Variants in GSE1 observed in about 807,000 individuals in gnomAD.
GSE1 encodes Gse1 coiled-coil protein.
In GSE1, 32 loss-of-function variants were observed where a neutral mutation model predicts 112.6. The observed-to-expected ratio is 0.28, with a 90% CI of 0.21 to 0.38. The LOEUF is 0.38. Among genes scored for constraint, GSE1 ranks in the 10% least tolerant of loss-of-function variants. The pLI is 1.00. For missense variants in GSE1, 2,348 were observed against 1,699.2 expected (o/e 1.38, Z -6.71); for synonymous variants, 1,115 against 735.6 (o/e 1.52, Z -8.35).
intron 1 of GSE1, among the ~76,000 whole-genome samples, chr16:85,574,395 C>A (rs1270322370): frequency 1.3e-5 from 2 of 152,174 alleles, no homozygotes; most frequent in African/African-American, 2.4e-5. Context: ...CTTCTTGACA[C>A]CCGGCTGGGT....
At chr16:85,500,467 G>A (rs187785393) in intron 2 of GSE1, among the ~76,000 whole-genome samples, 4 of 152,318 alleles carry the variant, frequency 2.6e-5, no homozygotes, top group East Asian at 1.9e-4. Flanking sequence ...CCCAGCCTTC[G>A]ATTCCTAATA....
intron 2 of GSE1, among the ~76,000 whole-genome samples, chr16:85,545,383 G>A (rs892488997): frequency 3.3e-5 from 5 of 152,254 alleles, no homozygotes; most frequent in African/African-American, 1.2e-4. Context: ...AGTTCTGCAT[G>A]TAGACTGCAG....
At chr16:85,411,085 C>CCT (rs1201285096) in intron 2 of GSE1, among the ~76,000 whole-genome samples, 3 of 119,280 alleles carry the variant, frequency 2.5e-5, no homozygotes, top group Admixed American at 8.9e-5. Context: ...CAGGGTCCCC[C>CCT]GGATAATCCT....
chr16:85,519,659 C>CCAT (rs2052105551), intron 2 of GSE1, among the ~76,000 whole-genome samples: 3 of 150,752 alleles, frequency 2.0e-5, no homozygotes, highest in Non-Finnish European at 4.4e-5. Context: ...ACCTTCACCA[C>CCAT]CATCACCACA....
At chr16:85,300,314 T>G (rs1178089961) in intron 1 of GSE1, among the ~76,000 whole-genome samples, 1 of 152,166 alleles carries the variant, frequency 6.6e-6, no homozygotes, top group Non-Finnish European at 1.5e-5. Context: ...GCCCAGCCCA[T>G]GTTAGCCATT....
At chr16:85,642,404 G>C (rs1431812436) in intron 2 of GSE1, among the ~76,000 whole-genome samples, 1 of 152,230 alleles carries the variant, frequency 6.6e-6, no homozygotes, top group Non-Finnish European at 1.5e-5. Flanking sequence ...AGACACACAG[G>C]GTCCCCTGGG....
intron 1 of GSE1, among the ~76,000 whole-genome samples, chr16:85,561,121 C>T (rs1480093115): frequency 6.6e-6 from 1 of 151,318 alleles, no homozygotes; most frequent in Non-Finnish European, 1.5e-5. Context: ...GACAGTGAGA[C>T]CTTGTCTCAA....
chr16:85,669,478 A>G (rs2053151801), intron 14 of GSE1, among the ~76,000 whole-genome samples: 1 of 152,220 alleles, frequency 6.6e-6, no homozygotes, highest in African/African-American at 2.4e-5. Context: ...AGCCACAACC[A>G]GGACATCAAA....
At chr16:85,190,015 C>T (rs1429666778) in intron 1 of GSE1, among the ~76,000 whole-genome samples, 1 of 152,172 alleles carries the variant, frequency 6.6e-6, no homozygotes, top group Non-Finnish European at 1.5e-5. Flanking sequence ...ATCTTTTGCA[C>T]TTGTCACCTA....
In GSE1 at chr16:85,675,210, C is replaced by T. The variant is rs2053617639; in HGVS notation, c.*2671C>T. 1 of 152,132 alleles carries T rather than the reference C, an allele frequency of 6.6e-6. No individual in the cohort carries two copies. Among genetic ancestry groups the T allele is most frequent in the Non-Finnish European group, 1.5e-5 (1 of 68,034 alleles). The allele number at this position is 152,132 out of a possible 1,614,324, so 9.4% of individuals were successfully genotyped here. ...GAGTACCTCAAATCTGCTCTGGAGT[C>T]GATTATGCCACCTGTGTGTCAGGAT... On this transcript the variant is annotated 3_prime_UTR_variant, in exon 16 of 16. Coordinates refer to ENST00000253458, the MANE Select transcript of GSE1 (RefSeq NM_014615.5).
At chr16:85,556,004 G>A (rs2045191784) in exon 1 of GSE1, 2 of 985,014 alleles carry the variant, frequency 2.0e-6, no homozygotes, top group African/African-American at 1.7e-5. Context: ...TACACACGCG[G>A]CGAAGACACC....
chr16:85,417,280 C>T (rs1359545257), intron 2 of GSE1, among the ~76,000 whole-genome samples: 1 of 152,226 alleles, frequency 6.6e-6, no homozygotes, highest in Non-Finnish European at 1.5e-5. Context: ...AGCACTCACT[C>T]CCCGAGTTGT....
intron 1 of GSE1, among the ~76,000 whole-genome samples, chr16:85,242,456 G>C (rs1460324119): frequency 6.6e-6 from 1 of 152,248 alleles, no homozygotes; most frequent in African/African-American, 2.4e-5. Context: ...CTTTCTGTCG[G>C]TGCCCCGCAG....
intron 1 of GSE1, among the ~76,000 whole-genome samples, chr16:85,583,876 G>A (rs2046566171): frequency 6.6e-6 from 1 of 152,246 alleles, no homozygotes. Context: ...AGGGAGGGGA[G>A]TGAGGGAAAG....
chr16:85,223,752 G>A (rs1397184174), intron 1 of GSE1, among the ~76,000 whole-genome samples: 1 of 151,704 alleles, frequency 6.6e-6, no homozygotes, highest in Non-Finnish European at 1.5e-5. Flanking sequence ...TTACAGGCTT[G>A]CGCCACCATG....
chr16:85,397,322 C>T (rs1470693041), intron 2 of GSE1, among the ~76,000 whole-genome samples: 1 of 152,246 alleles, frequency 6.6e-6, no homozygotes, highest in East Asian at 1.9e-4. Flanking sequence ...GACCCCCGCT[C>T]CCACCCTTGG....
chr16:85,243,578 T>C (rs1293387317), intron 1 of GSE1, among the ~76,000 whole-genome samples: 5 of 152,220 alleles, frequency 3.3e-5, no homozygotes, highest in East Asian at 1.9e-4. Context: ...GAGCCAAGTG[T>C]TGGCCTCTAT....
intron 1 of GSE1, among the ~76,000 whole-genome samples, chr16:85,210,446 A>T (rs2075205192): frequency 6.6e-6 from 1 of 152,178 alleles, no homozygotes; most frequent in Admixed American, 6.5e-5. Flanking sequence ...CTACAAAAAA[A>T]TTAGCCGGGC....
chr16:85,395,595 C>T (rs2047946609), intron 2 of GSE1, among the ~76,000 whole-genome samples: 1 of 152,220 alleles, frequency 6.6e-6, no homozygotes, highest in Non-Finnish European at 1.5e-5. Flanking sequence ...GGGCACCATG[C>T]CAGCCCTCGC....
Sources: allele counts gnomAD v4.1 joint callset (sites outside exome capture counted in the v4.1 genomes callset), GRCh38; gene constraint gnomAD v4.1.1; transcripts MANE v1.5; gene names NCBI Gene and HGNC (gene_info 2026-07-23, HGNC 2026-07-21).